The following RGMA variants were observed in gnomAD, a reference collection of about 807,000 sequenced individuals.
RGMA encodes the protein repulsive guidance molecule BMP co-receptor a.
A neutral mutation model predicts 23.2 loss-of-function variants in RGMA; 10 were observed. The observed-to-expected ratio is 0.43, with a 90% CI of 0.27 to 0.73. The LOEUF (loss-of-function observed/expected upper bound fraction) is 0.73. RGMA is among the 30% of genes least tolerant of loss of function. RGMA has a pLI of 0.20. For synonymous variants in RGMA, 308 were observed against 279.3 expected (o/e 1.10, Z -1.03); for missense variants, 547 against 630.5 (o/e 0.87, Z 1.42).
intron 1 of RGMA, among the ~76,000 whole-genome samples, chr15:93,078,919 T>A (rs1242482477): frequency 2.6e-5 from 4 of 152,242 alleles, no homozygotes; most frequent in African/African-American, 9.6e-5. Context: ...CTGGACAAAG[T>A]CCATTTTCCT....
chr15:93,044,645 T>G lies in RGMA; in HGVS notation c.*353A>C. 2.1e-5 allele frequency: 7 copies of G among 326,222 alleles called. No homozygotes were observed. Among genetic ancestry groups the G allele is most frequent in the Admixed American group, 9.1e-5 (2 of 21,948 alleles). The allele number at this position is 326,222 out of a possible 1,614,324, so 20.2% of individuals were successfully genotyped here. On this transcript the variant is annotated 3_prime_UTR_variant, in exon 4 of 4. Coordinates refer to ENST00000329082, the MANE Select transcript of RGMA (RefSeq NM_020211.3). ...GCAGTCGGCCGGGCCTTTCAGTGCATTGCGAGGGGGAAGGAGCTGACTCTG... is the reference window on the plus strand; with the variant it reads ...GCAGTCGGCCGGGCCTTTCAGTGCAGTGCGAGGGGGAAGGAGCTGACTCTG...
intron 1 of RGMA, among the ~76,000 whole-genome samples, chr15:93,078,092 A>C (rs1461115645): frequency 6.6e-6 from 1 of 152,196 alleles, no homozygotes; most frequent in Non-Finnish European, 1.5e-5. Flanking sequence ...AAGCCTCCCC[A>C]AGCCACTCTT....
chr15:93,045,756 C>G lies in RGMA; in HGVS notation c.646-51G>C. The G allele has an allele frequency of 7.7e-7, 1 of 1,293,974 alleles. No individual in the cohort carries two copies. The highest frequency in any genetic ancestry group is 1.1e-6 in the Non-Finnish European group (1 of 908,212). The allele number at this position is 1,293,974 out of a possible 1,614,324, so 80.2% of individuals were successfully genotyped here. ...GTGGGTGAGGCACAGTGGGAGGAGG[C>G]ACAGCCCCACACTTAAGATGCTCTA... is the stretch of plus-strand genomic sequence containing the variant. On this transcript the variant is annotated intron_variant, in intron 3 of 3. Transcript: ENST00000329082. The surrounding 1 kb of genome is among the most constrained non-coding windows in gnomAD (Gnocchi z 6.9).
intron 2 of RGMA, among the ~76,000 whole-genome samples, chr15:93,054,578 C>CT (rs1232095169): frequency 6.6e-6 from 1 of 152,206 alleles, no homozygotes; most frequent in Non-Finnish European, 1.5e-5. Flanking sequence ...TTTGCTTCTC[C>CT]TTTGCCTTCT....
intron 1 of RGMA, among the ~76,000 whole-genome samples, chr15:93,077,100 CAA>C (rs1895484761): frequency 6.6e-6 from 1 of 152,174 alleles, no homozygotes; most frequent in Non-Finnish European, 1.5e-5. Flanking sequence ...ACGCCAGGAA[CAA>C]AGTGTGCTTT....
chr15:93,049,955 C>G (rs1364230868), intron 3 of RGMA, among the ~76,000 whole-genome samples: 1 of 152,204 alleles, frequency 6.6e-6, no homozygotes, highest in African/African-American at 2.4e-5. Flanking sequence ...AAGTCCCTTG[C>G]CTTTCCCTGC....
At chr15:93,066,225 G>C in intron 2 of RGMA, 8 of 1,407,606 alleles carry the variant, frequency 5.7e-6, no homozygotes, top group Non-Finnish European at 7.0e-6. Flanking sequence ...CTCCAACGCT[G>C]CGCAGAAACT....
In RGMA at chr15:93,064,304, T is replaced by C. The variant is rs560126731; in HGVS notation, c.130+8612A>G. Among the ~76,000 whole-genome samples, 4 of 152,334 alleles carry C rather than the reference T, an allele frequency of 2.6e-5. No homozygotes were observed. In the East Asian group the frequency reaches 7.7e-4, roughly 29 times the overall value. On this transcript the variant is annotated intron_variant, in intron 2 of 3. Transcript: ENST00000329082. ...CCGAGTTCCACAAGATAGGTGATTA[T>C]AGGCAGACATAACTTTCCAGATGTA...
At chr15:93,067,425 C>T (rs1383477516) in intron 2 of RGMA, among the ~76,000 whole-genome samples, 1 of 152,118 alleles carries the variant, frequency 6.6e-6, no homozygotes, top group African/African-American at 2.4e-5. Flanking sequence ...CATATAGAAA[C>T]AGAAATGAGG....
intron 2 of RGMA, chr15:93,066,689 G>A: frequency 2.6e-6 from 1 of 380,214 alleles, no homozygotes. Context: ...CCGCCGCCCG[G>A]TTTTTTATAT....
chr15:93,086,541 A>G (rs1895637515), intron 1 of RGMA, among the ~76,000 whole-genome samples: 2 of 152,196 alleles, frequency 1.3e-5, no homozygotes, highest in South Asian at 4.1e-4. Flanking sequence ...AACGCACTTT[A>G]GACTCACAGA....
intron 2 of RGMA, among the ~76,000 whole-genome samples, chr15:93,063,595 T>A (rs563905530): frequency 7.2e-5 from 11 of 152,290 alleles, no homozygotes; most frequent in Non-Finnish European, 1.6e-4. Flanking sequence ...CACACCCAGG[T>A]GAGCGCGGGA....
intron 2 of RGMA, among the ~76,000 whole-genome samples, chr15:93,064,021 G>A (rs1375813074): frequency 6.6e-6 from 1 of 152,112 alleles, no homozygotes; most frequent in Non-Finnish European, 1.5e-5. Flanking sequence ...CACACCGTGT[G>A]CCAAGGGAAA....
At chr15:93,049,097 G>A (rs188477674) in intron 3 of RGMA, among the ~76,000 whole-genome samples, 1,801 of 152,330 alleles carry the variant, frequency 0.012, 37 homozygotes, top group African/African-American at 0.04. Context: ...GAAAGCTGGC[G>A]GCTCGCTGCC....
At chr15:93,069,166 G>C (rs1479519448) in intron 2 of RGMA, among the ~76,000 whole-genome samples, 1 of 152,136 alleles carries the variant, frequency 6.6e-6, no homozygotes, top group Non-Finnish European at 1.5e-5. Context: ...CTGGAGTACA[G>C]TGGTGCGATC....
At chr15:93,066,670 C>A (rs962508049) in intron 2 of RGMA, 8 of 402,936 alleles carry the variant, frequency 2.0e-5, no homozygotes, top group African/African-American at 4.4e-5. Context: ...GGTCCAGTAC[C>A]GGCCCCCGCC....
intron 1 of RGMA, chr15:93,088,661 C>G (rs1368036922): frequency 2.1e-6 from 2 of 962,880 alleles, no homozygotes; most frequent in South Asian, 4.0e-5. Flanking sequence ...TGTGCCGGGT[C>G]TGCCCAACCA....
intron 1 of RGMA, among the ~76,000 whole-genome samples, chr15:93,086,337 T>C (rs892536455): frequency 5.9e-5 from 9 of 152,220 alleles, no homozygotes; most frequent in East Asian, 3.9e-4. Context: ...ATAATCCTTC[T>C]ATGTTTTTGC....
At chr15:93,059,681 C>T (rs1270860906) in intron 2 of RGMA, among the ~76,000 whole-genome samples, 3 of 152,166 alleles carry the variant, frequency 2.0e-5, no homozygotes, top group Non-Finnish European at 2.9e-5. Flanking sequence ...CTGACCTCCA[C>T]GGCCATCCAG....
Sources: gnomAD v4.1 joint callset for allele counts (sites outside exome capture counted in the v4.1 genomes callset) on GRCh38, gnomAD v4.1.1 for gene constraint, Gnocchi (gnomAD v3.1) non-coding constraint, MANE v1.5 for transcripts, NCBI Gene and HGNC (gene_info 2026-07-23, HGNC 2026-07-21) for gene names.